Variants in XKR6 observed in about 807,000 individuals in gnomAD.
XKR6 encodes the protein XK related 6, also known as XK-related protein 6.
A neutral mutation model predicts 56.7 loss-of-function variants in XKR6; 22 were observed. The observed-to-expected ratio is 0.39, with a 90% CI of 0.28 to 0.55. XKR6 has a LOEUF of 0.55. XKR6 is among the 20% of genes least tolerant of loss of function. XKR6 has a pLI of 0.66. For missense variants in XKR6, 852 were observed against 889.0 expected, an observed-to-expected ratio of 0.96 and a Z score of 0.53; for synonymous variants, 524 against 387.8, an observed-to-expected ratio of 1.35 and a Z score of -4.13.
intron 1 of XKR6, among the ~76,000 whole-genome samples, chr8:11,146,379 A>G (rs1800982860): frequency 6.6e-6 from 1 of 152,224 alleles, no homozygotes; most frequent in Non-Finnish European, 1.5e-5. Context: ...TAATCCCAAC[A>G]CTTTGGGAGA....
At chr8:10,913,828 C>G (rs1368393348) in intron 2 of XKR6, among the ~76,000 whole-genome samples, 2 of 152,214 alleles carry the variant, frequency 1.3e-5, no homozygotes, top group Admixed American at 6.5e-5. Flanking sequence ...TTGGTGACTG[C>G]TAGTGAGGGT....
intron 1 of XKR6, among the ~76,000 whole-genome samples, chr8:11,028,098 AC>A (rs1798910965): frequency 6.7e-6 from 1 of 150,350 alleles, no homozygotes; most frequent in Non-Finnish European, 1.5e-5. Flanking sequence ...CACCCTAAAA[AC>A]CCCCTGTGCT....
chr8:11,172,951 T>C lies in XKR6; in HGVS notation c.764+27625A>G, dbSNP rs113170697. Among the ~76,000 whole-genome samples the C allele has an allele frequency of 2.1e-3, 315 of 152,328 alleles. 1 individual carries two copies. Among genetic ancestry groups the C allele is most frequent in the African/African-American group, 7.2e-3 (299 of 41,570 alleles). On this transcript the variant is annotated intron_variant, in intron 1 of 2. Coordinates refer to ENST00000416569, the MANE Select transcript of XKR6 (RefSeq NM_173683.4). ...TTCAAGTTATACATTCAATCAATTG[T>C]ATAAAATCTATTATCCGGTATTTAA... is the stretch of plus-strand genomic sequence containing the variant.
chr8:10,980,353 T>A (rs764395195), intron 1 of XKR6, among the ~76,000 whole-genome samples: 2 of 152,088 alleles, frequency 1.3e-5, no homozygotes, highest in Non-Finnish European at 2.9e-5. Flanking sequence ...GGCAGAGATG[T>A]CCACACCAGA....
At chr8:11,084,697 G>A (rs1257045433) in intron 1 of XKR6, among the ~76,000 whole-genome samples, 2 of 152,124 alleles carry the variant, frequency 1.3e-5, no homozygotes, top group South Asian at 2.1e-4. Flanking sequence ...ATGTGTGGGA[G>A]CTATTTTTTC....
At chr8:11,172,911 C>T (rs1802450842) in intron 1 of XKR6, among the ~76,000 whole-genome samples, 1 of 152,132 alleles carries the variant, frequency 6.6e-6, no homozygotes, top group Non-Finnish European at 1.5e-5. Context: ...GGCAGGCTGG[C>T]AGCGGCGACA....
At chr8:11,165,338 T>C (rs894500352) in intron 1 of XKR6, among the ~76,000 whole-genome samples, 1 of 152,090 alleles carries the variant, frequency 6.6e-6, no homozygotes, top group African/African-American at 2.4e-5. Context: ...GACCTCATGA[T>C]CTGCCCACCT....
At chr8:11,029,793 C>T (rs1457462737) in intron 1 of XKR6, among the ~76,000 whole-genome samples, 3 of 152,042 alleles carry the variant, frequency 2.0e-5, no homozygotes, top group Non-Finnish European at 4.4e-5. Context: ...GACACTCTAA[C>T]TCTCCTCTCT....
At chr8:11,080,034 A>C (rs1407861062) in intron 1 of XKR6, among the ~76,000 whole-genome samples, 1 of 152,132 alleles carries the variant, frequency 6.6e-6, no homozygotes, top group African/African-American at 2.4e-5. Flanking sequence ...TAAAATAATC[A>C]TAAAAGGTCC....
intron 1 of XKR6, among the ~76,000 whole-genome samples, chr8:11,061,629 C>T (rs903533143): frequency 6.6e-6 from 1 of 152,150 alleles, no homozygotes. Context: ...ATTCAACATG[C>T]CCTGAAAGAC....
chr8:11,043,381 T>C (rs1197101037), intron 1 of XKR6, among the ~76,000 whole-genome samples: 6 of 152,080 alleles, frequency 3.9e-5, no homozygotes, highest in Admixed American at 3.9e-4. Context: ...GTCCATCTCC[T>C]CCTGGGCCAC....
intron 1 of XKR6, among the ~76,000 whole-genome samples, chr8:11,030,561 G>A (rs545210577): frequency 1.3e-5 from 2 of 152,244 alleles, no homozygotes; most frequent in East Asian, 1.9e-4. Flanking sequence ...GCATGTGCCC[G>A]AGTGCCAACC....
intron 1 of XKR6, among the ~76,000 whole-genome samples, chr8:11,075,716 T>C (rs1485396443): frequency 6.6e-6 from 1 of 152,092 alleles, no homozygotes; most frequent in Non-Finnish European, 1.5e-5. Context: ...CTACTAAAAA[T>C]ACAAAAATTA....
chr8:11,022,053 T>C (rs1441268497), intron 1 of XKR6, among the ~76,000 whole-genome samples: 2 of 149,578 alleles, frequency 1.3e-5, no homozygotes, highest in Non-Finnish European at 3.0e-5. Flanking sequence ...CCTGAAGGAG[T>C]TCATGGCCCA....
At chr8:10,994,656 G>A (rs1798069028) in intron 1 of XKR6, among the ~76,000 whole-genome samples, 2 of 152,160 alleles carry the variant, frequency 1.3e-5, no homozygotes, top group Admixed American at 6.5e-5. Context: ...TGCATTGAGT[G>A]TGTACTCTCC....
chr8:10,985,699 T>C (rs1024722643), intron 1 of XKR6, among the ~76,000 whole-genome samples: 3 of 152,076 alleles, frequency 2.0e-5, no homozygotes, highest in Admixed American at 6.5e-5. Context: ...CTTGAGATCA[T>C]GAATTGTAAC....
intron 1 of XKR6, among the ~76,000 whole-genome samples, chr8:11,160,911 CAAAAAAAAAA>C (rs33931830): frequency 4.1e-4 from 26 of 63,778 alleles, no homozygotes; most frequent in South Asian, 6.6e-4. Flanking sequence ...GACTCCGTCT[CAAAAAAAAAA>C]AAAAAAAAAA....
chr8:11,141,021 G>C (rs1400127898), intron 1 of XKR6, among the ~76,000 whole-genome samples: 1 of 151,804 alleles, frequency 6.6e-6, no homozygotes, highest in African/African-American at 2.4e-5. Flanking sequence ...ACAGTTACTT[G>C]CAGAATCAAG....
chr8:11,165,190 C>G (rs1802011062), intron 1 of XKR6, among the ~76,000 whole-genome samples: 1 of 150,692 alleles, frequency 6.6e-6, no homozygotes, highest in African/African-American at 2.4e-5. Context: ...ACCTCCGCCT[C>G]CCAGGTTCAA....
Sources: gnomAD v4.1 joint callset for allele counts (sites outside exome capture counted in the v4.1 genomes callset) on GRCh38, gnomAD v4.1.1 for gene constraint, MANE v1.5 for transcripts, NCBI Gene and HGNC (gene_info 2026-07-23, HGNC 2026-07-21) for gene names.